VPS13C: variants seen among roughly 807,000 people sequenced by gnomAD.
The protein encoded by VPS13C is vacuolar protein sorting 13 homolog C.
A neutral mutation model predicts 456.8 loss-of-function variants in VPS13C; 358 were observed. The observed-to-expected ratio is 0.78, with a 90% CI of 0.72 to 0.86. The LOEUF (loss-of-function observed/expected upper bound fraction) is 0.86. VPS13C is among the 40% of genes least tolerant of loss of function. VPS13C has a pLI of 0.00. For missense variants in VPS13C, 4,818 were observed against 4,385.4 expected (o/e 1.10, Z -2.79); for synonymous variants, 1,578 against 1,486.7 (o/e 1.06, Z -1.41).
At position 61,940,633 on chromosome 15, in the gene VPS13C, T is replaced by C. The variant is rs1433229549; in HGVS notation, c.5601+14A>G. On this transcript the variant is annotated intron_variant, in intron 47 of 84. Transcript: ENST00000644861. ...TATCAAGAAATTTTCATATATTATA[T>C]ACTAGCTACTTACCTGCATAGGTTT... The C allele has an allele frequency of 3.7e-6, 6 of 1,609,832 alleles. No individual in the cohort carries two copies. Among genetic ancestry groups the C allele is most frequent in the African/African-American group, 1.3e-5 (1 of 74,742 alleles).
chr15:62,012,298 T>C (rs1340871225), intron 11 of VPS13C, 134 bp from the exon 12 acceptor site: 1 of 538,130 alleles, frequency 1.9e-6, no homozygotes, highest in East Asian at 3.3e-5. Context: ...TCTCTGTTAC[T>C]AGTAGTCAAT....
chr15:62,052,951 T>C (rs777184711), intron 1 of VPS13C, among the ~76,000 whole-genome samples: 1 of 152,164 alleles, frequency 6.6e-6, no homozygotes, highest in Non-Finnish European at 1.5e-5. Context: ...GATCCCATAA[T>C]ATTGAGTAAT....
chr15:61,946,516 T>G (rs1241284286), intron 43 of VPS13C, 106 bp from the exon 44 acceptor site: 1 of 724,728 alleles, frequency 1.4e-6, no homozygotes, highest in African/African-American at 1.9e-5. Context: ...GAATAAAAAT[T>G]ACTCATTATA....
In VPS13C at chr15:61,940,792, G is replaced by A; in HGVS notation, c.5456C>T (p.Thr1819Ile). 6.2e-7 allele frequency: 1 copy of A among 1,606,114 alleles called. No homozygotes were observed. The highest frequency in any genetic ancestry group is 1.7e-4 in the Middle Eastern group (1 of 6,008). Residue 1819 changes from threonine (T) to isoleucine (I), a missense_variant and splice_region_variant, in exon 47 of 85, where the codon ACT (threonine) becomes ATT (isoleucine). Physicochemically the swap from Thr to Ile is moderately conservative, Grantham distance 89 (BLOSUM62 -1). Coordinates refer to ENST00000644861, the MANE Select transcript of VPS13C (RefSeq NM_020821.3). ...IELTQLKLSR[T>I]ILQASLPQND... ...TTGTGGCAAGCTAGCCTGCAAAATAGTTCTGAAAGAAAAACAAGAATTTAT... is the reference window on the plus strand; with the variant it reads ...TTGTGGCAAGCTAGCCTGCAAAATAATTCTGAAAGAAAAACAAGAATTTAT...
intron 29 of VPS13C, among the ~76,000 whole-genome samples, chr15:61,966,625 T>A (rs2045384794): frequency 6.6e-6 from 1 of 151,958 alleles, no homozygotes. Flanking sequence ...TTTCTATCCC[T>A]TGGGAACATA....
chr15:61,939,129 C>T (rs2044329121), intron 47 of VPS13C, among the ~76,000 whole-genome samples: 1 of 152,166 alleles, frequency 6.6e-6, no homozygotes, highest in Non-Finnish European at 1.5e-5. Context: ...CTGCTACCAA[C>T]AGACATTCAG....
At position 61,981,732 on chromosome 15, in the gene VPS13C, G is replaced by A. The variant is rs185592721; in HGVS notation, c.2030-254C>T. The stretch of plus-strand genomic sequence containing the variant: ...AAAAAAATTAGCCAGGCGTGGTGGC[G>A]GGCGCCTGCAGCCCCAGCTACTTGG... On this transcript the variant is annotated intron_variant, in intron 21 of 84. Transcript: ENST00000644861. 5.1e-3 allele frequency among the ~76,000 whole-genome samples: 775 copies of A among 152,142 alleles called. 9 individuals are homozygous for A. Among genetic ancestry groups the A allele is most frequent in the African/African-American group, 0.018 (734 of 41,538 alleles).
chr15:61,930,987 A>G, intron 50 of VPS13C, 103 bp downstream of exon 50: 1 of 1,350,364 alleles, frequency 7.4e-7, no homozygotes, highest in Non-Finnish European at 1.0e-6. Context: ...TGACCAAAAG[A>G]CAGAGATCTT....
Position 61,909,047 on chromosome 15 carries a change from CA to C in VPS13C, c.8922del (p.Ala2975HisfsTer4). The C allele has an allele frequency of 6.2e-7, 1 of 1,613,622 alleles. No individual in the cohort carries two copies. The highest frequency in any genetic ancestry group is 1.1e-5 in the South Asian group (1 of 91,040). The part of the protein sequence containing the change: ...VITFSDYHEG[S>X]APALIMNHTP... The stretch of plus-strand genomic sequence containing the variant: ...GTATGGTTCATTATCAAGGCAGGTG[CA>C]GATCCCTCATGGTAATCAGAAAAAG... On this transcript the variant is annotated frameshift_variant, in exon 65 of 85. Coordinates refer to ENST00000644861, the MANE Select transcript of VPS13C (RefSeq NM_020821.3). LOFTEE classifies it high-confidence loss of function.
rs139753418 is a variant in VPS13C, at chr15:61,881,750, A to C, written c.9703T>G (p.Ser3235Ala). ...VAPPKSIALD[S>A]EPKPFIDVSV... is the part of the protein sequence containing the mutation. ...GTCACAACTTATTTTATTTTACCTG[A>C]ATCTAAAGCAATAGATTTTGGAGGG... The change falls in exon 70 of 85, where the codon TCA becomes GCA. Residue 3235 changes from serine (S) to alanine (A), a missense_variant. Physicochemically the swap from Ser to Ala is moderately conservative, Grantham distance 99. Coordinates refer to ENST00000644861, the MANE Select transcript of VPS13C (RefSeq NM_020821.3). The C allele has an allele frequency of 3.7e-6, 6 of 1,608,626 alleles. No homozygotes were observed. The highest frequency in any genetic ancestry group is 1.7e-4 in the Middle Eastern group (1 of 6,002).
chr15:61,864,961 T>TA, intron 81 of VPS13C: 1 of 982,588 alleles, frequency 1.0e-6, no homozygotes, highest in Non-Finnish European at 1.2e-6. Flanking sequence ...GTATTTTCGT[T>TA]AGTTATTAGG....
At chr15:62,034,008 C>A (rs913489489) in intron 4 of VPS13C, among the ~76,000 whole-genome samples, 5 of 151,274 alleles carry the variant, frequency 3.3e-5, no homozygotes, top group Admixed American at 6.6e-5. Flanking sequence ...AATGTCATTT[C>A]TGATCATGCA....
At chr15:61,899,059 A>C (rs1259933345) in intron 66 of VPS13C, among the ~76,000 whole-genome samples, 1 of 55,982 alleles carries the variant, frequency 1.8e-5, no homozygotes, top group Non-Finnish European at 3.4e-5. Flanking sequence ...AACCAACGAG[A>C]ACAAAGACAC....
chr15:61,865,421 G>A (rs1456474297), intron 81 of VPS13C: 123 of 983,948 alleles, frequency 1.3e-4, no homozygotes, highest in Non-Finnish European at 1.4e-4. Flanking sequence ...CTAAGAACAT[G>A]GAAAAATATA....
Position 61,880,718 on chromosome 15 carries a change from T to C in VPS13C, c.9893A>G (p.Lys3298Arg). 6.4e-7 allele frequency: 1 copy of C among 1,572,358 alleles called. No individual in the cohort carries two copies. The highest frequency in any genetic ancestry group is 1.4e-5 in the African/African-American group (1 of 72,768). The change falls in exon 73 of 85, where the codon AAG (lysine) becomes AGG (arginine). Residue 3298 changes from lysine (K) to arginine (R), a missense_variant. By Grantham distance (26) the Lys-to-Arg change is conservative (BLOSUM62 2). This residue lies in a region of VPS13C where 4,552 missense variants were observed against 4,130.6 expected (regional missense o/e 1.10). Coordinates refer to ENST00000644861, the MANE Select transcript of VPS13C (RefSeq NM_020821.3). ...TDPEAERRRT[K>R]LIQQDIDALN... ...AGCATCAATATCTTGTTGGATTAACTTTGTCTGAAAAAAATAAAATCAAGA... is the reference window on the plus strand; with the variant it reads ...AGCATCAATATCTTGTTGGATTAACCTTGTCTGAAAAAAATAAAATCAAGA...
At chr15:62,006,572 C>T (rs924586425) in intron 15 of VPS13C, among the ~76,000 whole-genome samples, 4 of 152,152 alleles carry the variant, frequency 2.6e-5, no homozygotes, top group African/African-American at 9.7e-5. Flanking sequence ...CATATGTGTG[C>T]ATGTGTCTTT....
intron 28 of VPS13C, among the ~76,000 whole-genome samples, chr15:61,968,209 ACAGT>A (rs1156699655): frequency 4.6e-5 from 7 of 152,194 alleles, no homozygotes; most frequent in Admixed American, 4.6e-4. Context: ...AGGTCTTTAT[ACAGT>A]CAGTGTTCTG....
At chr15:61,923,438 A>C (rs1327432054) in intron 53 of VPS13C, among the ~76,000 whole-genome samples, 8 of 152,096 alleles carry the variant, frequency 5.3e-5, no homozygotes, top group African/African-American at 1.4e-4. Flanking sequence ...CCACACTGCC[A>C]CCAGCATAAT....
Position 61,941,969 on chromosome 15 carries a change from T to C in VPS13C, c.5247A>G (p.Gln1749=), listed in dbSNP as rs560798294. 46 of 1,614,034 alleles carry C rather than the reference T, an allele frequency of 2.9e-5. No homozygotes were observed. In the Admixed American group the frequency reaches 4.2e-4, roughly 15 times the overall value. The change falls in exon 46 of 85, where the codon CAA becomes CAG. Residue 1749 remains glutamine, a synonymous_variant. Coordinates refer to ENST00000644861, the MANE Select transcript of VPS13C (RefSeq NM_020821.3). The stretch of plus-strand genomic sequence containing the variant: ...TATCCATCAAAAGGCGGAAACTCTT[T>C]TGAGCCAAGTCTTTCATGCTGGAAG... ...RAASSMKDLA[Q]KSFRLLMDIN... is the part of the protein sequence containing the mutation.
Sources: gnomAD v4.1 joint callset for allele counts (sites outside exome capture counted in the v4.1 genomes callset) on GRCh38, gnomAD v4.1.1 for gene constraint, gnomAD v4.1.1 regional missense constraint, MANE v1.5 for transcripts, NCBI Gene and HGNC (gene_info 2026-07-23, HGNC 2026-07-21) for gene names.